ZBTB44: variants seen among roughly 807,000 people sequenced by gnomAD.
ZBTB44 encodes the protein zinc finger and BTB domain containing 44.
In ZBTB44, 15 loss-of-function variants were observed where a neutral mutation model predicts 54.0. The observed-to-expected ratio is 0.28, with a 90% CI of 0.19 to 0.43. The LOEUF is 0.43. Among genes scored for constraint, ZBTB44 ranks in the 20% least tolerant of loss-of-function variants. The probability of loss-of-function intolerance (pLI) is 1.00; values close to 1 mark genes in which losing one functional copy is unlikely to be tolerated. For synonymous variants in ZBTB44, 230 were observed against 250.1 expected, an observed-to-expected ratio of 0.92 and a Z score of 0.76; for missense variants, 487 against 707.1, an observed-to-expected ratio of 0.69 and a Z score of 3.53.
At chr11:130,253,839 C>G (rs1377105785) in intron 2 of ZBTB44, among the ~76,000 whole-genome samples, 2 of 152,178 alleles carry the variant, frequency 1.3e-5, no homozygotes, top group Admixed American at 1.3e-4. Flanking sequence ...GCTACAGTAA[C>G]CAAAACAGCA....
At chr11:130,260,832 A>T (rs780073321) in intron 2 of ZBTB44, 24 bp downstream of exon 2, 5 of 1,563,714 alleles carry the variant, frequency 3.2e-6, no homozygotes, top group Non-Finnish European at 4.3e-6. Flanking sequence ...TATAGCACCA[A>T]GAAAAACACA....
chr11:130,302,062 A>G (rs1942017891), intron 1 of ZBTB44, among the ~76,000 whole-genome samples: 1 of 152,100 alleles, frequency 6.6e-6, no homozygotes, highest in African/African-American at 2.4e-5. Context: ...AAAAAAAAAA[A>G]AAAAAGTAAT....
chr11:130,311,355 CA>C (rs1942590295), intron 1 of ZBTB44, among the ~76,000 whole-genome samples: 2 of 152,042 alleles, frequency 1.3e-5, no homozygotes, highest in Non-Finnish European at 2.9e-5. Context: ...AACACAGGCA[CA>C]CACCACCACG....
rs190647001 is a variant in ZBTB44, at chr11:130,274,970, T to G, written c.-56-13041A>C. ...TTTAAATGTTTGGTAGAATTCACTG[T>G]AAAGCTATCTGAGCCTGGGCTTTTC... On this transcript the variant is annotated intron_variant, in intron 1 of 7. Coordinates refer to ENST00000357899, the MANE Select transcript of ZBTB44 (RefSeq NM_001301098.2). Among the ~76,000 whole-genome samples, 432 of 152,362 alleles carry G rather than the reference T, an allele frequency of 2.8e-3. 1 individual carries two copies. The highest frequency in any genetic ancestry group is 4.4e-3 in the Non-Finnish European group (298 of 68,032).
intron 2 of ZBTB44, among the ~76,000 whole-genome samples, chr11:130,254,155 T>G (rs1297570152): frequency 6.6e-6 from 1 of 152,166 alleles, no homozygotes; most frequent in Non-Finnish European, 1.5e-5. Context: ...GACATAGGCA[T>G]GGGCAAGGAC....
chr11:130,293,338 G>GT (rs1941415924), intron 1 of ZBTB44, among the ~76,000 whole-genome samples: 2 of 150,124 alleles, frequency 1.3e-5, no homozygotes, highest in Admixed American at 6.7e-5. Context: ...GCTAAGTGTG[G>GT]TGCTGTGCAC....
chr11:130,264,200 TTAGAA>T (rs1373146630), intron 1 of ZBTB44, among the ~76,000 whole-genome samples: 5 of 152,236 alleles, frequency 3.3e-5, no homozygotes, highest in South Asian at 2.1e-4. Context: ...TGTTAAGTGT[TTAGAA>T]TAGTAACTAG....
chr11:130,293,897 A>G (rs1441566858), intron 1 of ZBTB44, among the ~76,000 whole-genome samples: 2 of 152,240 alleles, frequency 1.3e-5, no homozygotes, highest in East Asian at 3.8e-4. Context: ...AGCCCTTTCT[A>G]GTTCAGAGAT....
Position 130,230,359 on chromosome 11 carries a change from T to G in ZBTB44, c.*1405A>C, listed in dbSNP as rs1953829663. ...ACTGAGTTACCAATAATTATGGACA[T>G]CAGATGTATTGACTAGTCTATTTCA... is the stretch of plus-strand genomic sequence containing the variant. On this transcript the variant is annotated 3_prime_UTR_variant, in exon 8 of 8. Transcript: ENST00000357899. 1.3e-5 allele frequency: 2 copies of G among 150,384 alleles called. No homozygotes were observed. Among genetic ancestry groups the G allele is most frequent in the African/African-American group, 4.9e-5 (2 of 41,134 alleles). The allele number at this position is 150,384 out of a possible 1,614,324, so 9.3% of individuals were successfully genotyped here.
At chr11:130,275,477 C>G (rs894395621) in intron 1 of ZBTB44, among the ~76,000 whole-genome samples, 2 of 152,060 alleles carry the variant, frequency 1.3e-5, no homozygotes, top group South Asian at 2.1e-4. Flanking sequence ...CCATGCCTAA[C>G]CCACTCTAGA....
At chr11:130,267,737 T>C (rs1158674074) in intron 1 of ZBTB44, among the ~76,000 whole-genome samples, 1 of 152,086 alleles carries the variant, frequency 6.6e-6, no homozygotes. Flanking sequence ...CTATAAGTAA[T>C]ATGCTATCAA....
At chr11:130,276,452 T>C (rs1268549464) in intron 1 of ZBTB44, among the ~76,000 whole-genome samples, 1 of 151,436 alleles carries the variant, frequency 6.6e-6, no homozygotes, top group Non-Finnish European at 1.5e-5. Flanking sequence ...CTTTTTTTTT[T>C]GAGACAGAGT....
At chr11:130,274,408 T>C (rs1008220437) in intron 1 of ZBTB44, among the ~76,000 whole-genome samples, 5 of 152,136 alleles carry the variant, frequency 3.3e-5, no homozygotes, top group Admixed American at 1.3e-4. Context: ...TAAACAGAAA[T>C]AGCAAGAGCA....
At chr11:130,313,927 T>C (rs1942771280) in intron 1 of ZBTB44, among the ~76,000 whole-genome samples, 1 of 120,790 alleles carries the variant, frequency 8.3e-6, no homozygotes, top group African/African-American at 3.2e-5. Context: ...TGTGTGTATG[T>C]GTGTGTGTGT....
At chr11:130,312,336 C>T (rs936303715) in intron 1 of ZBTB44, among the ~76,000 whole-genome samples, 1 of 152,164 alleles carries the variant, frequency 6.6e-6, no homozygotes, top group African/African-American at 2.4e-5. Flanking sequence ...GTAGTCAGCA[C>T]TTTAATCAAA....
intron 1 of ZBTB44, among the ~76,000 whole-genome samples, chr11:130,279,274 G>A (rs959636949): frequency 1.4e-5 from 2 of 146,880 alleles, no homozygotes; most frequent in African/African-American, 5.1e-5. Flanking sequence ...ATCACACCAA[G>A]GTGTTAAACT....
At chr11:130,286,229 G>A (rs1328620756) in intron 1 of ZBTB44, among the ~76,000 whole-genome samples, 1 of 152,144 alleles carries the variant, frequency 6.6e-6, no homozygotes. Context: ...TGAGTCCTTA[G>A]CTGTAGTTAT....
chr11:130,252,926 C>T (rs1292640067), intron 2 of ZBTB44, among the ~76,000 whole-genome samples: 24 of 152,244 alleles, frequency 1.6e-4, no homozygotes, highest in Admixed American at 7.9e-4. Context: ...AATCAATAAA[C>T]GTAATCCAGC....
rs1429612819 is a variant in ZBTB44 at position 130,268,066 on chromosome 11, C to T, written c.-56-6137G>A. 3.1e-5 allele frequency among the ~76,000 whole-genome samples: 4 copies of T among 130,732 alleles called. No homozygotes were observed. In the Admixed American group the frequency reaches 3.3e-4, roughly 11 times the overall value. 85.8% of individuals were successfully genotyped at this position (130,732 alleles called of 152,430 possible). Reference sequence around the variant, plus strand: ...ACTGGGTGACAGAGTGAGACTCTGTCTACAAAAAAAAAAAAAAAGAGAAAT... The same window carrying T: ...ACTGGGTGACAGAGTGAGACTCTGTTTACAAAAAAAAAAAAAAAGAGAAAT... On this transcript the variant is annotated intron_variant, in intron 1 of 7. Coordinates refer to ENST00000357899, the MANE Select transcript of ZBTB44 (RefSeq NM_001301098.2).
Sources: allele counts gnomAD v4.1 joint callset (sites outside exome capture counted in the v4.1 genomes callset), GRCh38; gene constraint gnomAD v4.1.1; transcripts MANE v1.5; gene names NCBI Gene and HGNC (gene_info 2026-07-23, HGNC 2026-07-21).